TRPM6: variants seen among roughly 807,000 people sequenced by gnomAD.
TRPM6 encodes channel kinase 2.
A neutral mutation model predicts 247.6 loss-of-function variants in TRPM6; 111 were observed. The ratio of observed to expected loss-of-function variants is 0.45; its 90% CI spans 0.38 to 0.52. TRPM6 has a LOEUF of 0.52. Ranked by LOEUF, TRPM6 falls within the 20% of genes least tolerant of loss-of-function variation. TRPM6 has a pLI of 0.00. For missense variants in TRPM6, 2,126 were observed against 2,421.5 expected (o/e 0.88, Z 2.56); for synonymous variants, 892 against 853.8 (o/e 1.04, Z -0.78).
rs779667684 is a variant in TRPM6 at position 74,771,814 on chromosome 9, T to C, written c.3425A>G (p.Asp1142Gly). ...CTCAAAATCATGAAGTTTTTTCAGA[T>C]CCTCCTTACTGAGGTAGAGTTCTAT... ...VGLKLYLSKE[D>G]LKKLHDFEEQ... is the part of the protein sequence containing the mutation. The change falls in exon 25 of 39, where the codon GAT (aspartate) becomes GGT (glycine). Residue 1142 changes from aspartate (D) to glycine (G), a missense_variant. By Grantham distance (94) the Asp-to-Gly change is moderately conservative (BLOSUM62 -1). Transcript: ENST00000360774. 1 of 1,613,788 alleles carries C rather than the reference T, an allele frequency of 6.2e-7. No individual in the cohort carries two copies. Among genetic ancestry groups the C allele is most frequent in the Non-Finnish European group, 8.5e-7 (1 of 1,179,786 alleles).
chr9:74,739,701 G>A (rs1343847509), intron 34 of TRPM6, 22 bp downstream of exon 34: 9 of 1,608,908 alleles, frequency 5.6e-6, no homozygotes, highest in African/African-American at 1.3e-5. Context: ...CTGGGCTATG[G>A]GTCTCTGAGT....
rs552880023 is a variant in TRPM6, at chr9:74,739,918, C to T, written c.5292G>A (p.Ala1764=). 31 of 1,613,962 alleles carry T rather than the reference C, an allele frequency of 1.9e-5. No homozygotes were observed. Among genetic ancestry groups the T allele is most frequent in the East Asian group, 1.8e-4 (8 of 44,878 alleles). Residue 1764 remains alanine (A), a synonymous_variant, in exon 34 of 39, where the codon GCG becomes GCA. Coordinates refer to ENST00000360774, the MANE Select transcript of TRPM6 (RefSeq NM_017662.5). ...CTCGGGACAATACCTGGATCATTGCCGCTCTCCCACGCTGAGACCAAGAGG... is the reference window on the plus strand; with the variant it reads ...CTCGGGACAATACCTGGATCATTGCTGCTCTCCCACGCTGAGACCAAGAGG... ...SMSSWSQRGR[A]AMIQVLSREE... is the part of the protein sequence containing the mutation.
At chr9:74,754,769 C>T (rs567513712) in intron 28 of TRPM6, among the ~76,000 whole-genome samples, 7 of 152,290 alleles carry the variant, frequency 4.6e-5, no homozygotes, top group African/African-American at 1.2e-4. Context: ...CCTATCATTG[C>T]TATCTTTTCT....
In TRPM6 at chr9:74,801,921, T is replaced by C. The variant is rs1343882568; in HGVS notation, c.1986A>G (p.Ser662=). The change falls in exon 16 of 39, where the codon TCA becomes TCG. Residue 662 remains serine (S), a synonymous_variant. Transcript: ENST00000360774. ...AKESHMVDDA[S]EELKNYSKQF... ...ACTTTGAGTAATTCTTCAACTCTTC[T>C]GAGGCATCATCCACCATGTGACTCT... 6.2e-7 allele frequency: 1 copy of C among 1,614,246 alleles called. No homozygotes were observed. Among genetic ancestry groups the C allele is most frequent in the South Asian group, 1.1e-5 (1 of 91,086 alleles).
At position 74,762,639 on chromosome 9, in the gene TRPM6, A is replaced by G; in HGVS notation, c.4032T>C (p.Phe1344=). 6.2e-7 allele frequency: 1 copy of G among 1,614,198 alleles called. No individual in the cohort carries two copies. Among genetic ancestry groups the G allele is most frequent in the Non-Finnish European group, 8.5e-7 (1 of 1,180,028 alleles). ...NRQAHSKYGQ[F]LLVPSNLKRV... is the part of the protein sequence containing the mutation. The stretch of plus-strand genomic sequence containing the variant: ...GCTTTAGATTAGAGGGGACCAGAAG[A>G]AACTGGCCATACTTTGAGTGTGCTT... The change falls in exon 26 of 39, where the codon TTT becomes TTC. Residue 1344 remains phenylalanine (F), a synonymous_variant. Coordinates refer to ENST00000360774, the MANE Select transcript of TRPM6 (RefSeq NM_017662.5).
chr9:74,752,479 T>C (rs768834070), intron 28 of TRPM6, 111 bp from the exon 29 acceptor site: 7 of 670,886 alleles, frequency 1.0e-5, no homozygotes, highest in South Asian at 9.1e-5. Flanking sequence ...AACTTGGATA[T>C]AGTTTTCCCT....
intron 5 of TRPM6, 46 bp downstream of exon 5, chr9:74,839,978 G>A: frequency 1.4e-6 from 2 of 1,433,114 alleles, no homozygotes; most frequent in Non-Finnish European, 2.0e-6. Flanking sequence ...AGGGAGAGAG[G>A]GAGGGTGAAA....
At chr9:74,842,090 A>C in intron 4 of TRPM6, 76 bp downstream of exon 4, 1 of 1,547,124 alleles carries the variant, frequency 6.5e-7, no homozygotes, top group Non-Finnish European at 8.9e-7. Flanking sequence ...CAGCCTGGGC[A>C]ACAAGAGCAA....
rs185803302 is a variant in TRPM6 at position 74,774,055 on chromosome 9, G to A, written c.3403+1828C>T. Among the ~76,000 whole-genome samples the A allele has an allele frequency of 2.9e-3, 439 of 152,276 alleles. 3 individuals are homozygous for A. The highest frequency in any genetic ancestry group is 5.3e-3 in the Non-Finnish European group (359 of 68,034). On this transcript the variant is annotated intron_variant, in intron 24 of 38. Coordinates refer to ENST00000360774, the MANE Select transcript of TRPM6 (RefSeq NM_017662.5). ...ACAGGCGCAGCTTGCAGTATGTGGC[G>A]CTTTCCTGTAATTGTCCGCAAGGTG...
At chr9:74,760,245 G>A (rs1826577814) in intron 27 of TRPM6, among the ~76,000 whole-genome samples, 1 of 152,154 alleles carries the variant, frequency 6.6e-6, no homozygotes, top group African/African-American at 2.4e-5. Flanking sequence ...TCCAAGTCCT[G>A]CAAGTAAGTG....
rs143602265 is a variant in TRPM6 at position 74,732,953 on chromosome 9, G to T, written c.5777-217C>A. 9.9e-5 allele frequency among the ~76,000 whole-genome samples: 15 copies of T among 152,220 alleles called. No homozygotes were observed. The South Asian group carries it at 1.0e-3, about 11-fold the overall frequency. On this transcript the variant is annotated intron_variant, in intron 36 of 38. Transcript: ENST00000360774. ...TCACGCCTGTAATCCCAGCTCTTTGGGGGGTGGAGGTGGGCAGATGACCTG... is the reference window on the plus strand; with the variant it reads ...TCACGCCTGTAATCCCAGCTCTTTGTGGGGTGGAGGTGGGCAGATGACCTG...
At position 74,762,066 on chromosome 9, in the gene TRPM6, G is replaced by C. The variant is rs1303014685; in HGVS notation, c.4605C>G (p.Pro1535=). 9 of 1,614,086 alleles carry C rather than the reference G, an allele frequency of 5.6e-6. No individual in the cohort carries two copies. Among genetic ancestry groups the C allele is most frequent in the Non-Finnish European group, 7.6e-6 (9 of 1,180,050 alleles). ...ATCTAAAACTATGACTCCTAGCGAA[G>C]GGCCTGTATCTGCGGAGAGGATTGA... ...FWINPLRRYR[P]FARSHSFRFH... The change falls in exon 26 of 39, where the codon CCC becomes CCG. Residue 1535 remains proline (P), a synonymous_variant. Transcript: ENST00000360774.
At chr9:74,880,189 G>T (rs1011999879) in intron 1 of TRPM6, among the ~76,000 whole-genome samples, 3 of 152,106 alleles carry the variant, frequency 2.0e-5, no homozygotes, top group African/African-American at 7.2e-5. Context: ...TAAAGTCTAT[G>T]TGACATATGA....
At chr9:74,824,119 T>A (rs1484970595) in intron 7 of TRPM6, among the ~76,000 whole-genome samples, 1 of 151,952 alleles carries the variant, frequency 6.6e-6, no homozygotes, top group African/African-American at 2.4e-5. Flanking sequence ...ATGGGCATTT[T>A]TGTGGAAGAG....
chr9:74,739,960 G>A lies in TRPM6; in HGVS notation c.5250C>T (p.Asn1750=). ...VYRLEESSPL[N]LDKSMSSWSQ... is the part of the protein sequence containing the mutation. Reference sequence around the variant, plus strand: ...ACCAAGAGGACATGCTTTTATCAAGGTTTAAAGGGGAACTCTCCTCCAACC... The same window carrying A: ...ACCAAGAGGACATGCTTTTATCAAGATTTAAAGGGGAACTCTCCTCCAACC... Residue 1750 remains asparagine, a synonymous_variant, in exon 34 of 39, where the codon AAC becomes AAT. Transcript: ENST00000360774. The A allele has an allele frequency of 1.2e-6, 2 of 1,614,128 alleles. No individual in the cohort carries two copies. Among genetic ancestry groups the A allele is most frequent in the Non-Finnish European group, 1.7e-6 (2 of 1,180,030 alleles).
chr9:74,820,529 G>A (rs1829101355), intron 8 of TRPM6, 102 bp from the exon 9 acceptor site: 2 of 1,417,842 alleles, frequency 1.4e-6, no homozygotes, highest in Non-Finnish European at 9.8e-7. Flanking sequence ...CTGAAAAGGT[G>A]TCTATGGACA....
chr9:74,756,912 T>G (rs1826446270), intron 27 of TRPM6, among the ~76,000 whole-genome samples: 1 of 151,574 alleles, frequency 6.6e-6, no homozygotes. Flanking sequence ...CTTAACAAAC[T>G]AGAGGCTGGG....
At chr9:74,793,998 G>C (rs192037050) in intron 18 of TRPM6, among the ~76,000 whole-genome samples, 9 of 151,880 alleles carry the variant, frequency 5.9e-5, no homozygotes, top group African/African-American at 2.2e-4. Flanking sequence ...AGGAAAGGAA[G>C]AGAAAAGAAA....
chr9:74,887,230 CCGTAACCGG>C (rs1831562140), intron 1 of TRPM6: 1 of 1,273,150 alleles, frequency 7.9e-7, no homozygotes, highest in Non-Finnish European at 9.9e-7. Flanking sequence ...CGGGTGTTTA[CCGTAACCGG>C]CGCTGTCATC....
Sources: gnomAD v4.1 joint callset for allele counts (sites outside exome capture counted in the v4.1 genomes callset) on GRCh38, gnomAD v4.1.1 for gene constraint, MANE v1.5 for transcripts, NCBI Gene and HGNC (gene_info 2026-07-23, HGNC 2026-07-21) for gene names.